The following SYN2 variants were observed in gnomAD, a reference collection of about 807,000 sequenced individuals.
The protein encoded by SYN2 is synapsin II.
A neutral mutation model predicts 50.9 loss-of-function variants in SYN2; 19 were observed. The ratio of observed to expected loss-of-function variants is 0.37; its 90% CI spans 0.26 to 0.55. The LOEUF (loss-of-function observed/expected upper bound fraction) is 0.55, where lower values mean the gene tolerates loss of function less well. Among genes scored for constraint, SYN2 ranks in the 20% least tolerant of loss-of-function variants. The pLI, the probability that SYN2 is intolerant of heterozygous loss-of-function variation, is 0.81. For missense variants in SYN2, 587 were observed against 576.4 expected (o/e 1.02, Z -0.19); for synonymous variants, 255 against 224.9 (o/e 1.13, Z -1.20).
intron 1 of SYN2, among the ~76,000 whole-genome samples, chr3:12,109,349 A>G (rs1038477321): frequency 3.3e-5 from 5 of 152,176 alleles, no homozygotes; most frequent in African/African-American, 1.2e-4. Context: ...CCCTATCTTC[A>G]GGGTTATGAA....
chr3:12,175,136 T>C (rs1698034740), intron 10 of SYN2, among the ~76,000 whole-genome samples: 1 of 152,218 alleles, frequency 6.6e-6, no homozygotes, highest in Non-Finnish European at 1.5e-5. Context: ...CTTTTTATTA[T>C]CAACATATGA....
intron 1 of SYN2, among the ~76,000 whole-genome samples, chr3:12,104,236 A>C (rs1411410036): frequency 6.6e-6 from 1 of 152,200 alleles, no homozygotes; most frequent in Non-Finnish European, 1.5e-5. Flanking sequence ...GGGCTCAGGC[A>C]ATGCCCCTGA....
intron 1 of SYN2, among the ~76,000 whole-genome samples, chr3:12,118,189 T>C (rs566245637): frequency 6.6e-6 from 1 of 152,218 alleles, no homozygotes; most frequent in African/African-American, 2.4e-5. Flanking sequence ...GGGATAATCA[T>C]TTTGATCCTG....
chr3:12,173,426 C>G (rs1031674458), intron 10 of SYN2, among the ~76,000 whole-genome samples: 6 of 152,190 alleles, frequency 3.9e-5, no homozygotes, highest in Non-Finnish European at 8.8e-5. Context: ...AAGGCTCACC[C>G]TCCACTTGTG....
At chr3:12,143,776 G>T (rs1329770125) in intron 3 of SYN2, among the ~76,000 whole-genome samples, 1 of 152,144 alleles carries the variant, frequency 6.6e-6, no homozygotes, top group Non-Finnish European at 1.5e-5. Context: ...TTAATATGAT[G>T]ATTTATTTTC....
chr3:12,130,160 A>G (rs1027195484), intron 1 of SYN2, among the ~76,000 whole-genome samples: 3 of 151,268 alleles, frequency 2.0e-5, no homozygotes, highest in Non-Finnish European at 4.4e-5. Context: ...ACATATATAT[A>G]TGTGTGTGTG....
intron 1 of SYN2, among the ~76,000 whole-genome samples, chr3:12,132,445 G>C (rs1476795660): frequency 6.6e-6 from 1 of 152,162 alleles, no homozygotes; most frequent in Non-Finnish European, 1.5e-5. Context: ...TGACATTCTT[G>C]TAAGAGGCAT....
chr3:12,090,661 A>G (rs1250846157), intron 1 of SYN2, among the ~76,000 whole-genome samples: 8 of 152,222 alleles, frequency 5.3e-5, no homozygotes, highest in Non-Finnish European at 1.0e-4. Context: ...GTCATCTGTA[A>G]TGACATCAAG....
chr3:12,113,173 C>T (rs578133513), intron 1 of SYN2, among the ~76,000 whole-genome samples: 50 of 152,250 alleles, frequency 3.3e-4, no homozygotes, highest in African/African-American at 1.1e-3. Flanking sequence ...AGATCAGCAT[C>T]CTAGTTCTTG....
chr3:12,113,293 T>G (rs1208513974), intron 1 of SYN2, among the ~76,000 whole-genome samples: 1 of 152,186 alleles, frequency 6.6e-6, no homozygotes, highest in Non-Finnish European at 1.5e-5. Context: ...TTTGAAATCT[T>G]GTTTTGATTC....
At position 12,168,396 on chromosome 3, in the gene SYN2, C is replaced by T; in HGVS notation, c.1076C>T (p.Thr359Ile). The change falls in exon 9 of 13, where the codon ACC (threonine) becomes ATC (isoleucine). Residue 359 changes from threonine to isoleucine, a missense_variant. By Grantham distance (89) the Thr-to-Ile change is moderately conservative. Transcript: ENST00000621198. ...TCCAGGTACAAACTGTGGGTGGACA[C>T]CTGCTCTGAGATGTTTGGCGGCCTG... Reference protein sequence around the residue: ...MSDRYKLWVDTCSEMFGGLDI... With the variant: ...MSDRYKLWVDICSEMFGGLDI... 1.2e-6 allele frequency: 2 copies of T among 1,613,830 alleles called. No homozygotes were observed. Among genetic ancestry groups the T allele is most frequent in the Non-Finnish European group, 1.7e-6 (2 of 1,179,882 alleles).
intron 1 of SYN2, among the ~76,000 whole-genome samples, chr3:12,111,350 A>G (rs1299609169): frequency 2.6e-5 from 4 of 152,120 alleles, no homozygotes; most frequent in Non-Finnish European, 5.9e-5. Flanking sequence ...TGTATGAATT[A>G]CCCAGTCTCG....
intron 10 of SYN2, among the ~76,000 whole-genome samples, chr3:12,178,976 A>G (rs1698156481): frequency 1.3e-5 from 2 of 152,200 alleles, no homozygotes. Flanking sequence ...GTGCTCCCAC[A>G]TCAGCAGAGG....
intron 4 of SYN2, 70 bp downstream of exon 4, chr3:12,145,905 G>C: frequency 6.3e-7 from 1 of 1,592,096 alleles, no homozygotes; most frequent in Non-Finnish European, 8.6e-7. Context: ...GTCCCTAGCA[G>C]GGACTCAAGA....
intron 1 of SYN2, among the ~76,000 whole-genome samples, chr3:12,072,426 T>C (rs1190022902): frequency 6.6e-6 from 1 of 152,212 alleles, no homozygotes; most frequent in Non-Finnish European, 1.5e-5. Context: ...TTTATGGCTA[T>C]ATTTTCTTTT....
chr3:12,128,345 G>A (rs1267264425), intron 1 of SYN2, among the ~76,000 whole-genome samples: 1 of 152,134 alleles, frequency 6.6e-6, no homozygotes, highest in African/African-American at 2.4e-5. Flanking sequence ...GGATTTCTAT[G>A]TGTTGAATTC....
chr3:12,108,808 T>TA (rs5846746), intron 1 of SYN2, among the ~76,000 whole-genome samples: 142 of 143,392 alleles, frequency 9.9e-4, no homozygotes, highest in African/African-American at 2.8e-3. Flanking sequence ...TGGTTGGGTT[T>TA]AAAAAAAAAA....
intron 1 of SYN2, among the ~76,000 whole-genome samples, chr3:12,082,727 A>G (rs1177996318): frequency 6.6e-6 from 1 of 152,124 alleles, no homozygotes; most frequent in African/African-American, 2.4e-5. Context: ...GATATATATT[A>G]TAGTTTCTTT....
At chr3:12,121,934 A>G (rs139961393) in intron 1 of SYN2, among the ~76,000 whole-genome samples, 39 of 152,280 alleles carry the variant, frequency 2.6e-4, no homozygotes, top group Non-Finnish European at 4.3e-4. Flanking sequence ...TTTCTGTATT[A>G]CAGTCTTGAG....
Sources: gnomAD v4.1 joint callset for allele counts (sites outside exome capture counted in the v4.1 genomes callset) on GRCh38, gnomAD v4.1.1 for gene constraint, MANE v1.5 for transcripts, NCBI Gene and HGNC (gene_info 2026-07-23, HGNC 2026-07-21) for gene names.